Variants in SPON1 observed in about 807,000 individuals in gnomAD.
SPON1 encodes spondin 1, also known as spondin-1.
A neutral mutation model predicts 111.7 loss-of-function variants in SPON1; 52 were observed. The observed-to-expected ratio is 0.47, with a 90% CI of 0.37 to 0.59. SPON1 has a LOEUF of 0.59. Among genes scored for constraint, SPON1 ranks in the 20% least tolerant of loss-of-function variants. The probability of loss-of-function intolerance (pLI) is 0.00; values close to 1 mark genes in which losing one functional copy is unlikely to be tolerated. For missense variants in SPON1, 957 were observed against 1,068.5 expected (o/e 0.90, Z 1.46); for synonymous variants, 410 against 395.8 (o/e 1.04, Z -0.43).
At chr11:14,148,636 A>C (rs1287036462) in intron 6 of SPON1, among the ~76,000 whole-genome samples, 1 of 152,210 alleles carries the variant, frequency 6.6e-6, no homozygotes, top group Non-Finnish European at 1.5e-5. Flanking sequence ...ACTGAGGCTC[A>C]GAAAATATAC....
chr11:14,165,759 A>C (rs1294646716), intron 6 of SPON1, among the ~76,000 whole-genome samples: 1 of 152,218 alleles, frequency 6.6e-6, no homozygotes, highest in Non-Finnish European at 1.5e-5. Flanking sequence ...TTTTTATTCA[A>C]AACAAATCAT....
intron 2 of SPON1, among the ~76,000 whole-genome samples, chr11:13,994,967 G>A (rs1347737857): frequency 6.6e-6 from 1 of 152,064 alleles, no homozygotes; most frequent in Admixed American, 6.5e-5. Flanking sequence ...AATATACAGT[G>A]TTTTCTTTCT....
chr11:13,964,045 G>C (rs1321436953), intron 1 of SPON1, among the ~76,000 whole-genome samples: 1 of 152,004 alleles, frequency 6.6e-6, no homozygotes, highest in Non-Finnish European at 1.5e-5. Context: ...GCAGGTGAGA[G>C]CCTCCTAGGC....
intron 6 of SPON1, among the ~76,000 whole-genome samples, chr11:14,137,581 C>A (rs1377333085): frequency 6.6e-6 from 1 of 152,142 alleles, no homozygotes; most frequent in Non-Finnish European, 1.5e-5. Flanking sequence ...TGGTCAACAG[C>A]AGAGAATACC....
chr11:13,993,566 G>A (rs996870822), intron 2 of SPON1, among the ~76,000 whole-genome samples: 10 of 152,068 alleles, frequency 6.6e-5, no homozygotes, highest in South Asian at 2.1e-4. Flanking sequence ...TGCCCTGATC[G>A]TCTTATCAGG....
chr11:14,088,440 G>A (rs7358386), intron 5 of SPON1, among the ~76,000 whole-genome samples: 5 of 152,000 alleles, frequency 3.3e-5, no homozygotes. Context: ...GTTTCTTTAA[G>A]AATGTTGAAT....
chr11:14,125,584 G>C (rs1847449507), intron 5 of SPON1, among the ~76,000 whole-genome samples: 1 of 152,216 alleles, frequency 6.6e-6, no homozygotes, highest in African/African-American at 2.4e-5. Context: ...AATCACTAAG[G>C]TTGTAGGACA....
intron 6 of SPON1, among the ~76,000 whole-genome samples, chr11:14,227,229 CT>C (rs1200250302): frequency 2.6e-5 from 4 of 152,102 alleles, no homozygotes; most frequent in Non-Finnish European, 4.4e-5. Context: ...CCAGGCTGGT[CT>C]CAATCTCCTG....
intron 6 of SPON1, among the ~76,000 whole-genome samples, chr11:14,137,715 G>A (rs574962276): frequency 6.6e-6 from 1 of 152,286 alleles, no homozygotes; most frequent in South Asian, 2.1e-4. Flanking sequence ...GCAGTACCGT[G>A]AATTTCATAG....
chr11:14,115,136 T>C (rs1849257497), intron 5 of SPON1, among the ~76,000 whole-genome samples: 1 of 152,072 alleles, frequency 6.6e-6, no homozygotes, highest in Non-Finnish European at 1.5e-5. Flanking sequence ...ACCACCCCCA[T>C]TATGGGAGAA....
rs1848633527 is a variant in SPON1, at chr11:14,041,798, T to C, written c.479+144T>C. 8 of 830,808 alleles carry C rather than the reference T, an allele frequency of 9.6e-6. No individual in the cohort carries two copies. In the East Asian group the frequency reaches 2.1e-4, roughly 22 times the overall value. 51.5% of individuals were successfully genotyped at this position (830,808 alleles called of 1,614,324 possible). On this transcript the variant is annotated intron_variant, in intron 3 of 15. Transcript: ENST00000576479. Reference sequence around the variant, plus strand: ...CTTATCTGAATTCTCAATAGCACCATAGACTATCATTGGTGAAGTGTTCCA... The same window carrying C: ...CTTATCTGAATTCTCAATAGCACCACAGACTATCATTGGTGAAGTGTTCCA...
At chr11:14,200,170 T>C (rs1848446659) in intron 6 of SPON1, among the ~76,000 whole-genome samples, 1 of 152,220 alleles carries the variant, frequency 6.6e-6, no homozygotes, top group Admixed American at 6.5e-5. Flanking sequence ...TATAAGATCA[T>C]TTATGGCTTC....
At chr11:14,255,539 C>A in intron 8 of SPON1, 108 bp from the exon 9 acceptor site, 1 of 967,008 alleles carries the variant, frequency 1.0e-6, no homozygotes, top group Non-Finnish European at 1.6e-6. Context: ...AGTAGTTATG[C>A]TTGTTAAATT....
At chr11:13,996,742 T>C (rs1554911843) in intron 2 of SPON1, among the ~76,000 whole-genome samples, 1 of 151,490 alleles carries the variant, frequency 6.6e-6, no homozygotes, top group African/African-American at 2.4e-5. Context: ...CACCTATATA[T>C]ATAATTTTTG....
intron 6 of SPON1, among the ~76,000 whole-genome samples, chr11:14,205,466 C>T (rs1448526502): frequency 1.3e-5 from 2 of 152,130 alleles, no homozygotes; most frequent in Admixed American, 6.5e-5. Context: ...AGAAGGAATT[C>T]AAAGAAATAG....
intron 2 of SPON1, among the ~76,000 whole-genome samples, chr11:14,030,346 G>A (rs1554915878): frequency 6.6e-6 from 1 of 152,226 alleles, no homozygotes; most frequent in African/African-American, 2.4e-5. Flanking sequence ...AACTCACATA[G>A]CATGGAGGAT....
intron 2 of SPON1, among the ~76,000 whole-genome samples, chr11:14,005,362 G>A (rs1554912984): frequency 2.0e-5 from 3 of 152,192 alleles, no homozygotes; most frequent in Non-Finnish European, 1.5e-5. Context: ...CATCCCCATT[G>A]AGATCTGCTT....
At chr11:14,201,209 G>A (rs180842424) in intron 6 of SPON1, among the ~76,000 whole-genome samples, 135 of 151,786 alleles carry the variant, frequency 8.9e-4, no homozygotes, top group African/African-American at 3.1e-3. Flanking sequence ...GCGTGGTGGC[G>A]GGCACCTGTA....
At chr11:14,126,399 T>C (rs1388014951) in intron 5 of SPON1, among the ~76,000 whole-genome samples, 1 of 152,218 alleles carries the variant, frequency 6.6e-6, no homozygotes, top group Non-Finnish European at 1.5e-5. Context: ...TTAGTACCAA[T>C]GATGACAGCA....
Sources: allele counts gnomAD v4.1 joint callset (sites outside exome capture counted in the v4.1 genomes callset), GRCh38; gene constraint gnomAD v4.1.1; transcripts MANE v1.5; gene names NCBI Gene and HGNC (gene_info 2026-07-23, HGNC 2026-07-21).